Variants in ATP10B observed in about 807,000 individuals in gnomAD.
ATP10B encodes the protein ATPase phospholipid transporting 10B (putative), also known as phospholipid-transporting ATPase VB.
Under a neutral mutation model 141.2 loss-of-function variants are expected in ATP10B, and 122 were observed. The observed-to-expected ratio is 0.86, with a 90% CI of 0.75 to 1.00. ATP10B has a LOEUF of 1.00. Ranked by LOEUF, ATP10B falls within the 50% of genes least tolerant of loss-of-function variation. The pLI is 0.00. For synonymous variants in ATP10B, 685 were observed against 692.0 expected, an observed-to-expected ratio of 0.99 and a Z score of 0.16; for missense variants, 1,876 against 1,825.3, an observed-to-expected ratio of 1.03 and a Z score of -0.51.
rs141790928 is a variant in ATP10B, at chr5:160,687,430, G to A, written c.275+370C>T. Among the ~76,000 whole-genome samples, 463 of 152,286 alleles carry A rather than the reference G, an allele frequency of 3.0e-3. 4 individuals carry two copies. The highest frequency in any genetic ancestry group is 0.011 in the African/African-American group (442 of 41,560). ...AAGGAAAGGTGGCCCCCAGAGGGTA[G>A]CATCTCTGAGTTTATCTAAGTGGTA... On this transcript the variant is annotated intron_variant, in intron 5 of 25. Coordinates refer to ENST00000327245, the MANE Select transcript of ATP10B (RefSeq NM_025153.3).
the ATP10B span, among the ~76,000 whole-genome samples, chr5:160,880,545 A>G: frequency 2.0e-5 from 3 of 152,350 alleles, no homozygotes; most frequent in Non-Finnish European, 2.9e-5. Context: ...TTAAAGCTAC[A>G]GTAATCAAGA....
In ATP10B at chr5:160,815,821, C is replaced by T. The variant is rs923876782; in HGVS notation, c.-575-30018G>A. ...AATTATAACAAACTGTCTCTCAGACCACAGTGCAATCAAACTAGAACTCAA... is the reference window on the plus strand; with the variant it reads ...AATTATAACAAACTGTCTCTCAGACTACAGTGCAATCAAACTAGAACTCAA... On this transcript the variant is annotated intron_variant, in intron 1 of 25. Transcript: ENST00000327245. 2.3e-4 allele frequency among the ~76,000 whole-genome samples: 35 copies of T among 152,262 alleles called. 1 individual carries two copies. Among genetic ancestry groups the T allele is most frequent in the African/African-American group, 7.7e-4 (32 of 41,566 alleles).
At chr5:160,878,114 A>T in the ATP10B span, among the ~76,000 whole-genome samples, 1 of 149,006 alleles carries the variant, frequency 6.7e-6, no homozygotes. Flanking sequence ...GAGGCATCAC[A>T]CTACCTGACT....
intron 24 of ATP10B, among the ~76,000 whole-genome samples, chr5:160,577,597 C>T (rs1437817606): frequency 6.6e-6 from 1 of 152,030 alleles, no homozygotes; most frequent in Non-Finnish European, 1.5e-5. Context: ...CATAAGTAAT[C>T]GTGGATTTTG....
the ATP10B span, among the ~76,000 whole-genome samples, chr5:160,921,011 ACAAAT>A: frequency 1.8e-4 from 27 of 152,302 alleles, no homozygotes; most frequent in East Asian, 5.0e-3. Context: ...TACATGCAAC[ACAAAT>A]CAAATAGTAA....
the ATP10B span, among the ~76,000 whole-genome samples, chr5:160,919,432 G>C: frequency 1.3e-5 from 2 of 152,042 alleles, no homozygotes; most frequent in African/African-American, 4.8e-5. Context: ...AATCCAGTGG[G>C]AAGGACAACC....
chr5:160,849,262 C>T (rs1753643796), intron 1 of ATP10B, among the ~76,000 whole-genome samples: 1 of 152,122 alleles, frequency 6.6e-6, no homozygotes. Flanking sequence ...ACAATGTATT[C>T]TTGTGTTCCT....
chr5:160,634,001 T>C (rs908310278), intron 12 of ATP10B: 2 of 380,170 alleles, frequency 5.3e-6, no homozygotes, highest in Non-Finnish European at 1.0e-5. Context: ...GCCTGAGAAA[T>C]TCCTAAGCCT....
In ATP10B at chr5:160,593,299, G is replaced by C. The variant is rs146160772; in HGVS notation, c.3565-2160C>G. 9.1e-3 allele frequency among the ~76,000 whole-genome samples: 1,379 copies of C among 152,332 alleles called. 16 individuals carry two copies. Among genetic ancestry groups the C allele is most frequent in the African/African-American group, 0.031 (1,303 of 41,562 alleles). Reference sequence around the variant, plus strand: ...CTGCAGCCACTGCTGCTGTTACCCAGGCAAACAGGGTCTGGATTGGACCTC... The same window carrying C: ...CTGCAGCCACTGCTGCTGTTACCCACGCAAACAGGGTCTGGATTGGACCTC... On this transcript the variant is annotated intron_variant, in intron 22 of 25. Transcript: ENST00000327245.
chr5:160,785,865 A>G, intron 1 of ATP10B, 62 bp from the exon 2 acceptor site: 2 of 294,060 alleles, frequency 6.8e-6, no homozygotes, highest in Non-Finnish European at 1.3e-5. Context: ...TATCAGCAAT[A>G]ATCAAGTATT....
At chr5:160,589,504 TAACACAGAATGAAAC>T in intron 24 of ATP10B, 73 bp downstream of exon 24, 5 of 1,019,402 alleles carry the variant, frequency 4.9e-6, no homozygotes, top group Non-Finnish European at 7.7e-6. Flanking sequence ...AGTGGATTGA[TAACACAGAATGAAAC>T]AATTCAGAAA....
rs181303440 is a variant in ATP10B, at chr5:160,738,959, G to A, written c.-330-21925C>T. Among the ~76,000 whole-genome samples, 10 of 152,196 alleles carry A rather than the reference G, an allele frequency of 6.6e-5. No individual in the cohort carries two copies. In the East Asian group the frequency reaches 1.9e-3, roughly 29 times the overall value. ...GTAGCAATGTACCTTATGAATGTAG[G>A]TTAAGAATTCTTAACAAAATATTGG... On this transcript the variant is annotated intron_variant, in intron 2 of 25. Transcript: ENST00000327245.
intron 1 of ATP10B, among the ~76,000 whole-genome samples, chr5:160,813,843 A>G (rs1315451717): frequency 1.3e-5 from 2 of 152,248 alleles, no homozygotes; most frequent in Non-Finnish European, 2.9e-5. Context: ...GCTGTTCTGC[A>G]GCCTCCACTG....
intron 24 of ATP10B, among the ~76,000 whole-genome samples, chr5:160,588,138 G>A (rs781364256): frequency 1.3e-5 from 2 of 152,100 alleles, no homozygotes; most frequent in African/African-American, 4.8e-5. Flanking sequence ...GTGAGCCGCC[G>A]CACCTGCCCT....
chr5:160,634,238 G>C, intron 12 of ATP10B, 116 bp downstream of exon 12: 2 of 1,471,564 alleles, frequency 1.4e-6, no homozygotes, highest in Non-Finnish European at 1.9e-6. Flanking sequence ...GCAACTTGTG[G>C]AAATGCCACA....
At chr5:160,870,859 G>A in the ATP10B span, among the ~76,000 whole-genome samples, 1 of 148,118 alleles carries the variant, frequency 6.8e-6, no homozygotes, top group Non-Finnish European at 1.5e-5. Flanking sequence ...CATACTGTAG[G>A]TATAGAATGA....
At chr5:160,777,363 C>T (rs1187900372) in intron 2 of ATP10B, among the ~76,000 whole-genome samples, 1 of 152,118 alleles carries the variant, frequency 6.6e-6, no homozygotes, top group Admixed American at 6.5e-5. Flanking sequence ...TCAAGGCTGC[C>T]CTACCCTCCT....
At chr5:160,614,236 A>G (rs1757881389) in intron 17 of ATP10B, 1 of 152,180 alleles carries the variant, frequency 6.6e-6, no homozygotes, top group Non-Finnish European at 1.5e-5. Context: ...GGTGAGAAGA[A>G]GCTCACTTAT....
chr5:160,824,812 A>G (rs1432848582), intron 1 of ATP10B, among the ~76,000 whole-genome samples: 1 of 152,164 alleles, frequency 6.6e-6, no homozygotes, highest in Non-Finnish European at 1.5e-5. Flanking sequence ...ATGACTGTGT[A>G]AAGGTTTTTC....
Sources: allele counts gnomAD v4.1 joint callset (sites outside exome capture counted in the v4.1 genomes callset), GRCh38; gene constraint gnomAD v4.1.1; transcripts MANE v1.5; gene names NCBI Gene and HGNC (gene_info 2026-07-23, HGNC 2026-07-21).